The following PTH2R variants were observed in gnomAD, a reference collection of about 807,000 sequenced individuals.
The protein encoded by PTH2R is PTH2 receptor.
Under a neutral mutation model 60.3 loss-of-function variants are expected in PTH2R, and 59 were observed. The ratio of observed to expected loss-of-function variants is 0.98; its 90% CI spans 0.79 to 1.22. The LOEUF is 1.22. Ranked by LOEUF, PTH2R falls within the 50% of genes most tolerant of loss-of-function variation. The pLI is 0.00. For missense variants in PTH2R, 749 were observed against 682.6 expected (o/e 1.10, Z -1.08); for synonymous variants, 256 against 243.8 (o/e 1.05, Z -0.47).
chr2:208,377,526 G>T (rs1446774379), intron 1 of PTH2R, among the ~76,000 whole-genome samples: 2 of 149,990 alleles, frequency 1.3e-5, no homozygotes, highest in Non-Finnish European at 1.5e-5. Flanking sequence ...CCCAGACGGG[G>T]CGGCTGGCCG....
At chr2:208,376,403 A>T (rs1324466867) in intron 1 of PTH2R, among the ~76,000 whole-genome samples, 1 of 152,134 alleles carries the variant, frequency 6.6e-6, no homozygotes, top group Non-Finnish European at 1.5e-5. Flanking sequence ...GTGTGTTTTT[A>T]TATATAAATA....
At chr2:208,491,404 G>A (rs1703401255) in intron 12 of PTH2R, among the ~76,000 whole-genome samples, 1 of 152,166 alleles carries the variant, frequency 6.6e-6, no homozygotes, top group African/African-American at 2.4e-5. Context: ...GTCAGTTTAA[G>A]AGTTAAAGAA....
intron 1 of PTH2R, among the ~76,000 whole-genome samples, chr2:208,376,478 G>C (rs1173854543): frequency 6.6e-6 from 1 of 152,040 alleles, no homozygotes; most frequent in East Asian, 1.9e-4. Context: ...AAATATTTTT[G>C]TAAAACTAGT....
chr2:208,414,026 G>A (rs1012206819), intron 1 of PTH2R, among the ~76,000 whole-genome samples: 4 of 152,148 alleles, frequency 2.6e-5, no homozygotes, highest in African/African-American at 9.7e-5. Context: ...CTATCTTAGT[G>A]CACCTAATGG....
chr2:208,434,140 C>A (rs1702027010), intron 2 of PTH2R, among the ~76,000 whole-genome samples: 1 of 151,986 alleles, frequency 6.6e-6, no homozygotes, highest in Admixed American at 6.6e-5. Context: ...ATGGTGAAAC[C>A]CTATCTCTAC....
At chr2:208,484,018 T>C (rs1012350364) in intron 10 of PTH2R, among the ~76,000 whole-genome samples, 1 of 152,244 alleles carries the variant, frequency 6.6e-6, no homozygotes, top group Admixed American at 6.5e-5. Context: ...AATTAAGTAT[T>C]TAAATTTATA....
At chr2:208,443,057 C>T (rs1327338014) in intron 5 of PTH2R, among the ~76,000 whole-genome samples, 1 of 152,006 alleles carries the variant, frequency 6.6e-6, no homozygotes, top group Non-Finnish European at 1.5e-5. Context: ...TCATTTTTCT[C>T]TAAACAATAC....
At chr2:208,426,592 G>T (rs183033090) in intron 1 of PTH2R, among the ~76,000 whole-genome samples, 1 of 152,308 alleles carries the variant, frequency 6.6e-6, no homozygotes, top group Non-Finnish European at 1.5e-5. Flanking sequence ...AAGCAGGGGA[G>T]GTAATGAGAT....
chr2:208,432,896 C>T (rs1702001223), intron 2 of PTH2R, among the ~76,000 whole-genome samples: 1 of 152,176 alleles, frequency 6.6e-6, no homozygotes, highest in African/African-American at 2.4e-5. Context: ...TGCCCACCCT[C>T]AATGAGGGTC....
At chr2:208,455,220 G>T (rs1702486404) in intron 8 of PTH2R, among the ~76,000 whole-genome samples, 1 of 152,196 alleles carries the variant, frequency 6.6e-6, no homozygotes, top group South Asian at 2.1e-4. Context: ...TGGGAGGGAA[G>T]TTGCATCAGT....
At chr2:208,364,068 A>T (rs1047401525) in intron 1 of PTH2R, among the ~76,000 whole-genome samples, 25 of 152,118 alleles carry the variant, frequency 1.6e-4, no homozygotes, top group Non-Finnish European at 1.8e-4. Flanking sequence ...TAAAAAATAG[A>T]GTAATTTGAT....
In PTH2R at chr2:208,442,436, G is replaced by A; in HGVS notation, c.484G>A (p.Ala162Thr). 4 of 1,611,682 alleles carry A rather than the reference G, an allele frequency of 2.5e-6. No homozygotes were observed. Among genetic ancestry groups the A allele is most frequent in the Non-Finnish European group, 3.4e-6 (4 of 1,177,896 alleles). The change falls in exon 5 of 13, where the codon GCT becomes ACT. Residue 162 changes from alanine (A) to threonine (T), a missense_variant. Ala to Thr is a moderately conservative substitution (Grantham distance 58, BLOSUM62 0). Coordinates refer to ENST00000272847, the MANE Select transcript of PTH2R (RefSeq NM_005048.4). ...YSISFGSLAV[A>T]ILIIGYFRRL... is the part of the protein sequence containing the mutation. Reference sequence around the variant, plus strand: ...CATCTCTTTTGGTTCCTTGGCTGTGGCTATTCTCATCATTGGTTACTTCAG... The same window carrying A: ...CATCTCTTTTGGTTCCTTGGCTGTGACTATTCTCATCATTGGTTACTTCAG...
chr2:208,444,948 A>G lies in PTH2R; in HGVS notation c.853+61A>G. On this transcript the variant is annotated intron_variant, in intron 7 of 12. Transcript: ENST00000272847. ...ATGATGCATTTGATGACATTCTGTC[A>G]TGCCCATCATTAGCATCCCTACAGC... The G allele has an allele frequency of 2.0e-6, 3 of 1,510,546 alleles. 1 individual carries two copies. The South Asian group carries it at 3.8e-5, about 19-fold the overall frequency. 93.6% of individuals were successfully genotyped at this position (1,510,546 alleles called of 1,614,324 possible). A position where few individuals can be genotyped will look rare whatever the true frequency, so the allele number is the denominator to read the frequency against.
intron 1 of PTH2R, among the ~76,000 whole-genome samples, chr2:208,364,981 G>A (rs1700549428): frequency 6.6e-6 from 1 of 150,688 alleles, no homozygotes; most frequent in Non-Finnish European, 1.5e-5. Flanking sequence ...GTATAGAAAT[G>A]TAACTGATTT....
At chr2:208,424,459 G>A (rs1404548573) in intron 1 of PTH2R, among the ~76,000 whole-genome samples, 1 of 152,214 alleles carries the variant, frequency 6.6e-6, no homozygotes, top group Non-Finnish European at 1.5e-5. Context: ...AGCAAATCAT[G>A]TGTGAGAGCC....
intron 9 of PTH2R, among the ~76,000 whole-genome samples, chr2:208,478,274 A>C (rs529351004): frequency 6.6e-6 from 1 of 152,148 alleles, no homozygotes; most frequent in South Asian, 2.1e-4. Flanking sequence ...TAGTGGCTTA[A>C]AAGAACATGC....
Position 208,374,406 on chromosome 2 carries a change from C to T in PTH2R, c.-259+14169C>T, listed in dbSNP as rs910592934. 7.2e-5 allele frequency among the ~76,000 whole-genome samples: 11 copies of T among 152,140 alleles called. No homozygotes were observed. The East Asian group carries it at 2.1e-3, about 29-fold the overall frequency. On this transcript the variant is annotated intron_variant, in intron 1 of 12. Coordinates refer to the PTH2R transcript ENST00000617735. ...ACTCATTGCAGTCTGCCTTCTGCTC[C>T]TCAATGATTGCTCCTGTGAAGGTCA...
intron 9 of PTH2R, among the ~76,000 whole-genome samples, chr2:208,467,005 T>C (rs927373205): frequency 3.3e-5 from 5 of 152,172 alleles, no homozygotes; most frequent in African/African-American, 4.8e-5. Context: ...CTTATTTTTT[T>C]TGGATAGTTC....
chr2:208,493,650 TG>T lies in PTH2R; in HGVS notation c.1645del (p.Val549PhefsTer20), dbSNP rs1337435079. 4.5e-6 allele frequency: 7 copies of T among 1,551,096 alleles called. No individual in the cohort carries two copies. The highest frequency in any genetic ancestry group is 6.1e-6 in the Non-Finnish European group (7 of 1,145,264). On this transcript the variant is annotated frameshift_variant, in exon 13 of 13. Transcript: ENST00000272847. LOFTEE classifies it high-confidence loss of function. ...AAGGATGCCAAGGAGAAACTGAGGA[TG>T]TTCTCTGAATGGACATTTGTGGCTG... ...TEGCQGETED[V>X]L
Sources: gnomAD v4.1 joint callset for allele counts (sites outside exome capture counted in the v4.1 genomes callset) on GRCh38, gnomAD v4.1.1 for gene constraint, MANE v1.5 for transcripts, NCBI Gene and HGNC (gene_info 2026-07-23, HGNC 2026-07-21) for gene names.